The following ARHGAP32 variants were observed in gnomAD, a reference collection of about 807,000 sequenced individuals.
The protein encoded by ARHGAP32 is rho GTPase-activating protein 32.
ARHGAP32 carries 51 observed loss-of-function variants against 186.5 expected under a neutral mutation model. The ratio of observed to expected loss-of-function variants is 0.27; its 90% CI spans 0.22 to 0.35. ARHGAP32 has a LOEUF of 0.35. Ranked by LOEUF, ARHGAP32 falls within the 10% of genes least tolerant of loss-of-function variation. The pLI is 1.00. For missense variants in ARHGAP32, 2,186 were observed against 2,623.5 expected (o/e 0.83, Z 3.64); for synonymous variants, 950 against 964.3 (o/e 0.99, Z 0.27).
chr11:129,007,409 C>T (rs368832051), intron 11 of ARHGAP32, among the ~76,000 whole-genome samples: 1 of 151,932 alleles, frequency 6.6e-6, no homozygotes, highest in East Asian at 1.9e-4. Context: ...TATTCAGGGT[C>T]CGAGGGCTTG....
At chr11:129,127,847 C>T (rs1177739799) in intron 2 of ARHGAP32, among the ~76,000 whole-genome samples, 2 of 152,218 alleles carry the variant, frequency 1.3e-5, no homozygotes, top group East Asian at 3.9e-4. Context: ...ATCATCAACA[C>T]AGTAACAGCA....
At chr11:129,038,241 TCAA>T (rs1041155777) in intron 11 of ARHGAP32, among the ~76,000 whole-genome samples, 1 of 152,008 alleles carries the variant, frequency 6.6e-6, no homozygotes, top group African/African-American at 2.4e-5. Context: ...AATAATCTTT[TCAA>T]CAAACAGTGC....
At chr11:129,155,965 G>A (rs1232663591) in intron 2 of ARHGAP32, among the ~76,000 whole-genome samples, 2 of 152,236 alleles carry the variant, frequency 1.3e-5, no homozygotes, top group Non-Finnish European at 2.9e-5. Flanking sequence ...CCTGGGAAGG[G>A]CAAGGGGTCA....
In ARHGAP32 at chr11:129,093,669, A is replaced by G; in HGVS notation, c.483T>C (p.Asn161=). ...AGACCAGCTCTTTAGATTCACAGCC[A>G]TTTTTCATTACTTCATTCTGTTCTT... is the stretch of plus-strand genomic sequence containing the variant. ...LSEEQNEVMK[N]GCESKELVYL... The change falls in exon 6 of 23, where the codon AAT becomes AAC. Residue 161 remains asparagine, a synonymous_variant. Coordinates refer to ENST00000682385, the MANE Select transcript of ARHGAP32 (RefSeq NM_001378024.1). The G allele has an allele frequency of 6.2e-7, 1 of 1,603,966 alleles. No homozygotes were observed. Among genetic ancestry groups the G allele is most frequent in the Non-Finnish European group, 8.5e-7 (1 of 1,174,734 alleles).
intron 1 of ARHGAP32, among the ~76,000 whole-genome samples, chr11:129,173,720 A>G: frequency 6.6e-6 from 1 of 152,210 alleles, no homozygotes; most frequent in Admixed American, 6.5e-5. Context: ...GTGAAATTTA[A>G]TACCTATTCA....
chr11:129,081,438 A>G, intron 6 of ARHGAP32, among the ~76,000 whole-genome samples: 1 of 152,114 alleles, frequency 6.6e-6, no homozygotes, highest in Non-Finnish European at 1.5e-5. Context: ...TCATACCAGG[A>G]ATGCAGGGGT....
At chr11:129,050,967 G>A (rs1332186837) in intron 10 of ARHGAP32, among the ~76,000 whole-genome samples, 1 of 152,138 alleles carries the variant, frequency 6.6e-6, no homozygotes, top group Admixed American at 6.5e-5. Flanking sequence ...CAAAGGACAT[G>A]AACCCATCCT....
intron 1 of ARHGAP32, among the ~76,000 whole-genome samples, chr11:129,198,555 CTTA>C (rs1944420987): frequency 6.6e-6 from 1 of 152,278 alleles, no homozygotes; most frequent in African/African-American, 2.4e-5. Flanking sequence ...TCGCTTGGCT[CTTA>C]TTCTCTCTTT....
intron 2 of ARHGAP32, among the ~76,000 whole-genome samples, chr11:129,141,758 C>A (rs1360893793): frequency 2.0e-5 from 3 of 149,414 alleles, no homozygotes; most frequent in African/African-American, 4.9e-5. Context: ...AATAATCTCA[C>A]CACCATGGGA....
chr11:129,248,086 G>C (rs1945125086), intron 1 of ARHGAP32, among the ~76,000 whole-genome samples: 1 of 151,894 alleles, frequency 6.6e-6, no homozygotes, highest in South Asian at 2.1e-4. Context: ...GCCGAGGCGG[G>C]CAGATCACGA....
intron 5 of ARHGAP32, among the ~76,000 whole-genome samples, chr11:129,116,040 C>G (rs1015406671): frequency 6.6e-6 from 1 of 151,972 alleles, no homozygotes. Context: ...GCCTAGGGAA[C>G]CAACATAAGT....
intron 11 of ARHGAP32, among the ~76,000 whole-genome samples, chr11:129,005,341 C>T (rs1377422782): frequency 6.6e-6 from 1 of 152,064 alleles, no homozygotes; most frequent in East Asian, 1.9e-4. Flanking sequence ...TTACTATTAC[C>T]AGTGAGTTTT....
intron 1 of ARHGAP32, among the ~76,000 whole-genome samples, chr11:129,206,370 C>T (rs1007541936): frequency 6.6e-6 from 1 of 152,188 alleles, no homozygotes; most frequent in East Asian, 1.9e-4. Flanking sequence ...TGCCACCATG[C>T]CTGGCTAGTT....
In ARHGAP32 at chr11:128,979,066, T is replaced by A. The variant is rs79155412; in HGVS notation, c.1977-151A>T. On this transcript the variant is annotated intron_variant, in intron 18 of 22. Coordinates refer to ENST00000682385, the MANE Select transcript of ARHGAP32 (RefSeq NM_001378024.1). The stretch of plus-strand genomic sequence containing the variant: ...AACATCCACCTTCCAGACAGCACAC[T>A]CTACACAGTGCAGCCAAAGCAGAAA... 2,257 of 592,632 alleles carry A rather than the reference T, an allele frequency of 3.8e-3. 37 individuals carry two copies. The highest frequency in any genetic ancestry group is 0.038 in the African/African-American group (1,962 of 52,044). The allele number at this position is 592,632 out of a possible 1,614,324, so 36.7% of individuals were successfully genotyped here.
In ARHGAP32 at chr11:128,968,669, G is replaced by A. The variant is rs1037600063; in HGVS notation, c.*238C>T. ...AGGTTTCTCTACTGGGTTTCAGCAC[G>A]GGGCTTTACCATCCTTCAGATCTTT... On this transcript the variant is annotated 3_prime_UTR_variant, in exon 23 of 23. Coordinates refer to ENST00000682385, the MANE Select transcript of ARHGAP32 (RefSeq NM_001378024.1). 4 of 342,240 alleles carry A rather than the reference G, an allele frequency of 1.2e-5. No homozygotes were observed. The highest frequency in any genetic ancestry group is 2.1e-5 in the African/African-American group (1 of 47,342). The allele number at this position is 342,240 out of a possible 1,614,324, so 21.2% of individuals were successfully genotyped here. A position where few individuals can be genotyped will look rare whatever the true frequency, so the allele number is the denominator to read the frequency against.
Position 129,152,885 on chromosome 11 carries a change from G to A in ARHGAP32, c.225+11434C>T, listed in dbSNP as rs76948813. On this transcript the variant is annotated intron_variant, in intron 2 of 22. Coordinates refer to ENST00000682385, the MANE Select transcript of ARHGAP32 (RefSeq NM_001378024.1). ...TAACATAGTGCTACAAGTCCTGGCC[G>A]GAACAATCAGACAAGATAATGAAAT... 4.5e-3 allele frequency among the ~76,000 whole-genome samples: 686 copies of A among 152,040 alleles called. 9 individuals are homozygous for A. Among genetic ancestry groups the A allele is most frequent in the African/African-American group, 0.015 (604 of 41,492 alleles).
chr11:128,981,680 A>G (rs1343915958), intron 16 of ARHGAP32, 119 bp from the exon 17 acceptor site: 1 of 1,245,048 alleles, frequency 8.0e-7, no homozygotes, highest in Non-Finnish European at 1.1e-6. Flanking sequence ...ACTGTCCCTT[A>G]GCTAAGGCCC....
chr11:129,162,738 C>T (rs1240813177), intron 2 of ARHGAP32, among the ~76,000 whole-genome samples: 1 of 152,064 alleles, frequency 6.6e-6, no homozygotes, highest in Admixed American at 6.6e-5. Flanking sequence ...TCTTGGTGAA[C>T]TTAATGTACA....
chr11:129,032,555 T>C (rs1471908974), intron 11 of ARHGAP32, among the ~76,000 whole-genome samples: 1 of 152,250 alleles, frequency 6.6e-6, no homozygotes, highest in African/African-American at 2.4e-5. Flanking sequence ...TGCCTTTTCA[T>C]TTAACAATAT....
Sources: gnomAD v4.1 joint callset for allele counts (sites outside exome capture counted in the v4.1 genomes callset) on GRCh38, gnomAD v4.1.1 for gene constraint, MANE v1.5 for transcripts, NCBI Gene and HGNC (gene_info 2026-07-23, HGNC 2026-07-21) for gene names.